Variants in PRDM5 observed in about 807,000 individuals in gnomAD.
PRDM5 encodes PR domain zinc finger protein 5.
In PRDM5, 56 loss-of-function variants were observed where a neutral mutation model predicts 81.2. The observed-to-expected ratio is 0.69, with a 90% confidence interval of 0.56 to 0.86. The LOEUF is 0.86. PRDM5 is among the 40% of genes least tolerant of loss of function. The pLI is 0.00. For missense variants in PRDM5, 697 were observed against 770.1 expected (o/e 0.91, Z 1.12); for synonymous variants, 267 against 256.4 (o/e 1.04, Z -0.39).
chr4:120,724,511 C>T (rs987640751), intron 14 of PRDM5, among the ~76,000 whole-genome samples: 1 of 152,148 alleles, frequency 6.6e-6, no homozygotes, highest in African/African-American at 2.4e-5. Flanking sequence ...CAGACTCTTA[C>T]ATTTAAGAAG....
intron 3 of PRDM5, among the ~76,000 whole-genome samples, chr4:120,829,594 C>T (rs533134039): frequency 1.3e-5 from 2 of 152,130 alleles, no homozygotes; most frequent in South Asian, 2.1e-4. Context: ...GGAGAGGCCA[C>T]GGGTAATTTG....
chr4:120,907,624 T>G, intron 1 of PRDM5, 67 bp from the exon 2 acceptor site: 1 of 1,276,690 alleles, frequency 7.8e-7, no homozygotes, highest in Non-Finnish European at 1.1e-6. Context: ...ATAAACGACT[T>G]TTTTCTTCTG....
At chr4:120,779,781 T>C (rs1231382892) in intron 12 of PRDM5, among the ~76,000 whole-genome samples, 1 of 152,070 alleles carries the variant, frequency 6.6e-6, no homozygotes, top group Non-Finnish European at 1.5e-5. Flanking sequence ...CAGGCACCTA[T>C]AATCCCAGCT....
At chr4:120,800,155 G>C (rs1751936354) in intron 8 of PRDM5, among the ~76,000 whole-genome samples, 1 of 152,120 alleles carries the variant, frequency 6.6e-6, no homozygotes, top group Non-Finnish European at 1.5e-5. Context: ...ATAGTAGAGA[G>C]TGCAACATTA....
At position 120,870,386 on chromosome 4, in the gene PRDM5, G is replaced by A. The variant is rs192594313; in HGVS notation, c.178-16846C>T. ...GACTCTGCCCCATTTTATTTCATTC[G>A]ATAAACATTGTTTGCACTAATAAAG... is the stretch of plus-strand genomic sequence containing the variant. On this transcript the variant is annotated intron_variant, in intron 2 of 15. Transcript: ENST00000264808. 2.4e-3 allele frequency among the ~76,000 whole-genome samples: 359 copies of A among 152,190 alleles called. 2 individuals are homozygous for A. The highest frequency in any genetic ancestry group is 8.1e-3 in the African/African-American group (337 of 41,522).
chr4:120,855,732 C>A (rs1759800207), intron 2 of PRDM5, among the ~76,000 whole-genome samples: 1 of 152,154 alleles, frequency 6.6e-6, no homozygotes, highest in South Asian at 2.1e-4. Flanking sequence ...GGCAATGCCA[C>A]CTAATACTTG....
Position 120,731,150 on chromosome 4 carries a change from C to T in PRDM5, c.1624-20737G>A, listed in dbSNP as rs911615953. Among the ~76,000 whole-genome samples, 3 of 152,146 alleles carry T rather than the reference C, an allele frequency of 2.0e-5. No individual in the cohort carries two copies. The East Asian group carries it at 5.8e-4, about 29-fold the overall frequency. On this transcript the variant is annotated intron_variant, in intron 14 of 15. Transcript: ENST00000264808. ...AGCAAACAACCTAACAATTTCCCAC[C>T]GTGTGCTAGGCAGTCAGCTAGACCC...
intron 11 of PRDM5, 38 bp downstream of exon 11, chr4:120,784,960 A>T (rs774994846): frequency 5.2e-5 from 77 of 1,475,516 alleles, no homozygotes; most frequent in East Asian, 4.3e-4. Context: ...AGTATGAGAT[A>T]ATTCCTTATA....
At chr4:120,731,836 A>G (rs753097988) in intron 14 of PRDM5, 1 of 152,228 alleles carries the variant, frequency 6.6e-6, no homozygotes, top group Non-Finnish European at 1.5e-5. Context: ...TGGAAGTGTC[A>G]AACTATCCCT....
At chr4:120,756,679 C>A (rs1485782513) in intron 13 of PRDM5, among the ~76,000 whole-genome samples, 1 of 152,168 alleles carries the variant, frequency 6.6e-6, no homozygotes, top group Admixed American at 6.5e-5. Context: ...GTAGCTCCTG[C>A]ATCACACAAT....
chr4:120,718,721 T>C (rs1371276740), intron 14 of PRDM5, among the ~76,000 whole-genome samples: 1 of 152,228 alleles, frequency 6.6e-6, no homozygotes, highest in Admixed American at 6.5e-5. Context: ...TGTGAATTTC[T>C]TAAATATGAA....
rs2148554943 is a variant in PRDM5 at position 120,874,546 on chromosome 4, A to G, written c.178-21006T>C. 3.3e-5 allele frequency among the ~76,000 whole-genome samples: 5 copies of G among 152,244 alleles called. 1 individual carries two copies. The South Asian group carries it at 1.0e-3, about 32-fold the overall frequency. On this transcript the variant is annotated intron_variant, in intron 2 of 15. Transcript: ENST00000264808. ...AATTTTCACAAGATTCCTGAAAAAA[A>G]CTCTTAGTTCACTAAGAAAAAAAAA...
intron 10 of PRDM5, among the ~76,000 whole-genome samples, chr4:120,797,874 C>A (rs1751548961): frequency 6.6e-6 from 1 of 152,010 alleles, no homozygotes. Flanking sequence ...GAAAGGAAGT[C>A]AAAAATGTTC....
At chr4:120,699,342 A>G (rs1489051660) in intron 15 of PRDM5, among the ~76,000 whole-genome samples, 3 of 151,532 alleles carry the variant, frequency 2.0e-5, no homozygotes, top group Middle Eastern at 3.4e-3. Flanking sequence ...TGTTTGTATC[A>G]TTATTATTTT....
At chr4:120,724,724 C>T (rs1386387396) in intron 14 of PRDM5, among the ~76,000 whole-genome samples, 1 of 152,134 alleles carries the variant, frequency 6.6e-6, no homozygotes, top group East Asian at 1.9e-4. Context: ...CTAAAAAAAA[C>T]ATACTTATCC....
At position 120,922,698 on chromosome 4, in the gene PRDM5, GGGGAGAAACCGGCA is replaced by G; in HGVS notation, c.-104_-91del. ...TCGAAATTTGGGGTGCCAGGGTAGA[GGGGAGAAACCGGCA>G]GGGAAGGAGGAAATGGAGTTTTCCT... On this transcript the variant is annotated 5_prime_UTR_variant, in exon 1 of 16. Transcript: ENST00000264808. The G allele has an allele frequency of 6.6e-7, 1 of 1,507,840 alleles. No homozygotes were observed. The highest frequency in any genetic ancestry group is 9.0e-7 in the Non-Finnish European group (1 of 1,111,068). 93.4% of individuals were successfully genotyped at this position (1,507,840 alleles called of 1,614,324 possible). A position where few individuals can be genotyped will look rare whatever the true frequency, so the allele number is the denominator to read the frequency against.
chr4:120,702,691 T>A (rs932523942), intron 15 of PRDM5, among the ~76,000 whole-genome samples: 2 of 152,282 alleles, frequency 1.3e-5, no homozygotes, highest in African/African-American at 4.8e-5. Context: ...CTGGAGAAAT[T>A]GAAGAAAGTA....
intron 10 of PRDM5, among the ~76,000 whole-genome samples, chr4:120,786,164 TATTA>T: frequency 6.6e-6 from 1 of 152,270 alleles, no homozygotes; most frequent in East Asian, 1.9e-4. Context: ...ATTTATAGCC[TATTA>T]ATTTATATAT....
intron 13 of PRDM5, among the ~76,000 whole-genome samples, chr4:120,763,572 CCATGAGTGTTCCA>C (rs1181136142): frequency 2.0e-5 from 3 of 152,150 alleles, no homozygotes; most frequent in Non-Finnish European, 4.4e-5. Context: ...AAAAACTCTT[CCATGAGTGTTCCA>C]CACTGCTATG....
Sources: allele counts gnomAD v4.1 joint callset (sites outside exome capture counted in the v4.1 genomes callset), GRCh38; gene constraint gnomAD v4.1.1; transcripts MANE v1.5; gene names NCBI Gene and HGNC (gene_info 2026-07-23, HGNC 2026-07-21).